Variants in DMRT1 observed in about 807,000 individuals in gnomAD.
The protein encoded by DMRT1 is doublesex- and mab-3-related transcription factor 1.
In DMRT1, 7 loss-of-function variants were observed where a neutral mutation model predicts 32.3. The ratio of observed to expected loss-of-function variants is 0.22; its 90% CI spans 0.12 to 0.41. DMRT1 has a LOEUF of 0.41. Ranked by LOEUF, DMRT1 falls within the 10% of genes least tolerant of loss-of-function variation. The probability of loss-of-function intolerance (pLI) is 1.00; values close to 1 mark genes in which losing one functional copy is unlikely to be tolerated. For synonymous variants in DMRT1, 278 were observed against 206.1 expected, an observed-to-expected ratio of 1.35 and a Z score of -2.99; for missense variants, 625 against 500.5, an observed-to-expected ratio of 1.25 and a Z score of -2.37.
intron 3 of DMRT1, among the ~76,000 whole-genome samples, chr9:911,470 A>ATT (rs201141931): frequency 1.5e-5 from 1 of 67,000 alleles, no homozygotes; most frequent in Non-Finnish European, 3.9e-5. Context: ...GGTTAATTGC[A>ATT]TTTTTTTTTT....
At chr9:887,404 C>T (rs546172154) in intron 2 of DMRT1, among the ~76,000 whole-genome samples, 1 of 152,278 alleles carries the variant, frequency 6.6e-6, no homozygotes, top group South Asian at 2.1e-4. Context: ...GACCAGATTC[C>T]CAAATATATT....
At chr9:905,488 C>CTCTGTGTG in intron 3 of DMRT1, among the ~76,000 whole-genome samples, 1 of 147,832 alleles carries the variant, frequency 6.8e-6, no homozygotes, top group South Asian at 2.2e-4. Context: ...GTGTGTGTGT[C>CTCTGTGTG]TGTGTGTGTG....
chr9:921,441 C>A (rs1441136542), intron 4 of DMRT1, among the ~76,000 whole-genome samples: 1 of 152,114 alleles, frequency 6.6e-6, no homozygotes, highest in Non-Finnish European at 1.5e-5. Context: ...GTGAATAGTG[C>A]TGCTTTGAAC....
In DMRT1 at chr9:889,553, C is replaced by T. The variant is rs562944700; in HGVS notation, c.539-4359C>T. ...AAAACAAATTATTGCTTTGACCTGA[C>T]GTAGCATTTTAGTTGAGGTTTACTA... On this transcript the variant is annotated intron_variant, in intron 2 of 4. Transcript: ENST00000382276. Among the ~76,000 whole-genome samples the T allele has an allele frequency of 3.9e-5, 6 of 152,168 alleles. No individual in the cohort carries two copies. The East Asian group carries it at 7.7e-4, about 20-fold the overall frequency.
At chr9:876,598 A>G (rs1384225908) in intron 2 of DMRT1, among the ~76,000 whole-genome samples, 1 of 151,284 alleles carries the variant, frequency 6.6e-6, no homozygotes, top group Non-Finnish European at 1.5e-5. Flanking sequence ...TGGTGAAATC[A>G]TAGCTGACTA....
At chr9:967,616 G>A (rs1303106608) in intron 4 of DMRT1, among the ~76,000 whole-genome samples, 1 of 152,176 alleles carries the variant, frequency 6.6e-6, no homozygotes, top group African/African-American at 2.4e-5. Flanking sequence ...GTGTCAGATG[G>A]ATCACTTGAC....
At chr9:858,867 AAAAATATATATAT>A (rs1475404721) in intron 2 of DMRT1, among the ~76,000 whole-genome samples, 204 of 18,278 alleles carry the variant, frequency 0.011, 1 homozygote, top group Middle Eastern at 0.024. Context: ...AAAAAAAAAA[AAAAATATATATAT>A]ATATATATAT....
chr9:843,454 A>G (rs10976974), intron 1 of DMRT1, among the ~76,000 whole-genome samples: 1 of 152,106 alleles, frequency 6.6e-6, no homozygotes, highest in Non-Finnish European at 1.5e-5. Flanking sequence ...TACTTTGAAG[A>G]TGTTTTAAAG....
rs541078515 is a variant in DMRT1 at position 872,101 on chromosome 9, A to G, written c.539-21811A>G. ...TTTTGTGATGGCATCTCACTCTGTC[A>G]CCCAGGCTGGAGTGCAGTGGCTTGA... On this transcript the variant is annotated intron_variant, in intron 2 of 4. Coordinates refer to ENST00000382276, the MANE Select transcript of DMRT1 (RefSeq NM_021951.3). Among the ~76,000 whole-genome samples, 3 of 151,322 alleles carry G rather than the reference A, an allele frequency of 2.0e-5. No individual in the cohort carries two copies. In the South Asian group the frequency reaches 6.2e-4, roughly 31 times the overall value.
chr9:887,739 T>A (rs1816987214), intron 2 of DMRT1, among the ~76,000 whole-genome samples: 2 of 152,292 alleles, frequency 1.3e-5, no homozygotes, highest in Admixed American at 6.5e-5. Context: ...TTCTGACACC[T>A]CTCTATATAG....
intron 2 of DMRT1, among the ~76,000 whole-genome samples, chr9:891,562 T>C (rs1446012572): frequency 6.6e-6 from 1 of 151,460 alleles, no homozygotes; most frequent in Non-Finnish European, 1.5e-5. Context: ...TCGCCCAGGC[T>C]GGAGTGCAGT....
At chr9:905,086 ATTG>A (rs1187221051) in intron 3 of DMRT1, among the ~76,000 whole-genome samples, 1 of 152,108 alleles carries the variant, frequency 6.6e-6, no homozygotes, top group African/African-American at 2.4e-5. Context: ...GATCACAACT[ATTG>A]TTTAGAATTT....
chr9:843,615 A>G (rs1430938228), intron 1 of DMRT1, among the ~76,000 whole-genome samples: 3 of 152,240 alleles, frequency 2.0e-5, no homozygotes, highest in Admixed American at 2.0e-4. Context: ...TTAGTATTCT[A>G]AAAGGATTTT....
intron 2 of DMRT1, among the ~76,000 whole-genome samples, chr9:886,926 G>A (rs149033710): frequency 2.0e-4 from 30 of 152,220 alleles, no homozygotes; most frequent in Non-Finnish European, 3.5e-4. Context: ...GCAAGGAATC[G>A]GATATTCCTT....
chr9:850,094 C>T (rs764855444), intron 2 of DMRT1, among the ~76,000 whole-genome samples: 4 of 152,216 alleles, frequency 2.6e-5, no homozygotes, highest in Non-Finnish European at 5.9e-5. Flanking sequence ...TCTGGGATTA[C>T]AGGCGTGAGC....
At chr9:849,814 G>GCT (rs60583253) in intron 2 of DMRT1, among the ~76,000 whole-genome samples, 48 of 148,148 alleles carry the variant, frequency 3.2e-4, no homozygotes, top group Non-Finnish European at 5.0e-4. Flanking sequence ...AGGACGATGG[G>GCT]CTCTCTCTCT....
At chr9:942,322 G>A (rs1819101609) in intron 4 of DMRT1, among the ~76,000 whole-genome samples, 1 of 152,196 alleles carries the variant, frequency 6.6e-6, no homozygotes, top group South Asian at 2.1e-4. Flanking sequence ...CACCCAGGCT[G>A]GAGTGAAGTG....
intron 2 of DMRT1, 118 bp from the exon 3 acceptor site, chr9:893,794 T>C (rs1187643743): frequency 1.1e-5 from 10 of 915,852 alleles, no homozygotes; most frequent in African/African-American, 9.8e-5. Flanking sequence ...CAGATGGTTT[T>C]GTCTTCTGCA....
intron 2 of DMRT1, among the ~76,000 whole-genome samples, chr9:875,213 T>C (rs1285890610): frequency 6.6e-6 from 1 of 152,206 alleles, no homozygotes; most frequent in Non-Finnish European, 1.5e-5. Context: ...CTTTATTCTC[T>C]TACTCTTAAA....
Sources: gnomAD v4.1 joint callset for allele counts (sites outside exome capture counted in the v4.1 genomes callset) on GRCh38, gnomAD v4.1.1 for gene constraint, MANE v1.5 for transcripts, NCBI Gene and HGNC (gene_info 2026-07-23, HGNC 2026-07-21) for gene names.